Variants in TECR observed in about 807,000 individuals in gnomAD.
The protein encoded by TECR is very-long-chain enoyl-CoA reductase.
A neutral mutation model predicts 50.6 loss-of-function variants in TECR; 19 were observed. That is an observed-to-expected ratio of 0.38 (90% CI 0.26 to 0.55). The LOEUF (loss-of-function observed/expected upper bound fraction) is 0.55. Ranked by LOEUF, TECR falls within the 20% of genes least tolerant of loss-of-function variation. The pLI is 0.79. For synonymous variants in TECR, 168 were observed against 163.5 expected, an observed-to-expected ratio of 1.03 and a Z score of -0.21; for missense variants, 313 against 408.3, an observed-to-expected ratio of 0.77 and a Z score of 2.01.
intron 1 of TECR, 35 bp downstream of exon 1, chr19:14,529,746 G>A: frequency 6.2e-7 from 1 of 1,613,914 alleles, no homozygotes; most frequent in Non-Finnish European, 8.5e-7. Context: ...TGTGGCCACT[G>A]CTGACCCATT....
At chr19:14,553,891 C>CT (rs1201313095) in intron 1 of TECR, among the ~76,000 whole-genome samples, 4 of 152,224 alleles carry the variant, frequency 2.6e-5, no homozygotes, top group African/African-American at 9.6e-5. Flanking sequence ...CCCTTTGTGT[C>CT]TTTACCTGGG....
At chr19:14,555,566 C>G (rs2073693329) in intron 1 of TECR, among the ~76,000 whole-genome samples, 1 of 151,232 alleles carries the variant, frequency 6.6e-6, no homozygotes, top group South Asian at 2.1e-4. Flanking sequence ...GTGCCTCAGC[C>G]TCCCAAGTGG....
intron 9 of TECR, 34 bp downstream of exon 9, chr19:14,565,026 G>A (rs1034579756): frequency 1.2e-6 from 2 of 1,613,826 alleles, no homozygotes; most frequent in African/African-American, 2.7e-5. Context: ...GGGGTCGGGG[G>A]AGTCTGGGCG....
At chr19:14,534,973 T>C (rs1343799148) in intron 1 of TECR, among the ~76,000 whole-genome samples, 1 of 152,130 alleles carries the variant, frequency 6.6e-6, no homozygotes, top group African/African-American at 2.4e-5. Flanking sequence ...AGAGCATCCC[T>C]GAAGGGAGGG....
intron 7 of TECR, 145 bp downstream of exon 7, chr19:14,564,432 A>G: frequency 1.7e-6 from 1 of 602,066 alleles, no homozygotes; most frequent in African/African-American, 3.0e-5. Flanking sequence ...TAACCTCCCC[A>G]GCCCCGCCCT....
chr19:14,550,033 C>T (rs1345927948), intron 1 of TECR, among the ~76,000 whole-genome samples: 2 of 151,988 alleles, frequency 1.3e-5, no homozygotes, highest in South Asian at 2.1e-4. Context: ...TTCCATGTCG[C>T]ACGTCACCTT....
At chr19:14,564,308 C>T in intron 7 of TECR, 21 bp downstream of exon 7, 1 of 1,582,018 alleles carries the variant, frequency 6.3e-7, no homozygotes, top group Non-Finnish European at 8.6e-7. Context: ...GTCCCCGCCT[C>T]ACCCCTAAGC....
intron 1 of TECR, among the ~76,000 whole-genome samples, chr19:14,560,889 CA>C (rs2073882671): frequency 6.6e-6 from 1 of 152,306 alleles, no homozygotes; most frequent in East Asian, 1.9e-4. Flanking sequence ...TCCCATCTGT[CA>C]GGGGTCACCT....
rs1568434811 is a variant in TECR at position 14,565,879 on chromosome 19, C to T, written c.*8C>T. The T allele has an allele frequency of 3.2e-6, 5 of 1,580,790 alleles. No individual in the cohort carries two copies. The highest frequency in any genetic ancestry group is 4.3e-6 in the Non-Finnish European group (5 of 1,166,078). ...ATCCCCTTCCTGCTCTGAGCGCTCA[C>T]CCCTGCTGAGGCTCAGCCCCTCAAC... On this transcript the variant is annotated 3_prime_UTR_variant, in exon 13 of 13. Transcript: ENST00000215567.
upstream of TECR, among the ~76,000 whole-genome samples, chr19:14,528,536 C>T (rs2072490137): frequency 6.6e-6 from 1 of 152,098 alleles, no homozygotes; most frequent in African/African-American, 2.4e-5. Context: ...TCGTTCCCGG[C>T]CTGGACCAGC....
At chr19:14,531,423 C>T (rs1203966360) in intron 1 of TECR, 1 of 152,014 alleles carries the variant, frequency 6.6e-6, no homozygotes, top group Non-Finnish European at 1.5e-5. Context: ...ACCCACAATC[C>T]TTTGAAGCCT....
At chr19:14,549,836 A>G (rs893159841) in intron 1 of TECR, among the ~76,000 whole-genome samples, 3 of 151,894 alleles carry the variant, frequency 2.0e-5, no homozygotes, top group African/African-American at 7.2e-5. Context: ...CCAGCTACTC[A>G]GGAGGCTGAG....
At chr19:14,548,685 C>T (rs902261277) in intron 1 of TECR, among the ~76,000 whole-genome samples, 1 of 152,140 alleles carries the variant, frequency 6.6e-6, no homozygotes, top group Admixed American at 6.5e-5. Context: ...TCAAGCAATT[C>T]TCCTGTCTCA....
rs763761863 is a variant in TECR at position 14,563,723 on chromosome 19, G to A, written c.163+21G>A. ...CCCCAGTGAGTACAGCTGTCCACTC[G>A]GCCCGCCCCCTGGGCTCCTGGGTGG... On this transcript the variant is annotated intron_variant, in intron 4 of 12. Transcript: ENST00000215567. The surrounding 1 kb of genome is among the most constrained non-coding windows in gnomAD (Gnocchi z 5.3). The A allele has an allele frequency of 4.6e-5, 75 of 1,613,020 alleles. No individual in the cohort carries two copies. The highest frequency in any genetic ancestry group is 6.0e-5 in the Non-Finnish European group (71 of 1,179,924).
At chr19:14,540,853 T>C (rs750111549) in intron 1 of TECR, among the ~76,000 whole-genome samples, 24 of 151,936 alleles carry the variant, frequency 1.6e-4, no homozygotes, top group South Asian at 4.1e-4. Flanking sequence ...GTTTGTTTGT[T>C]TGAGTTGGAG....
intron 1 of TECR, among the ~76,000 whole-genome samples, chr19:14,550,501 C>T (rs955879676): frequency 6.6e-6 from 1 of 152,080 alleles, no homozygotes; most frequent in Non-Finnish European, 1.5e-5. Context: ...GGTCCGACAG[C>T]GCCTTCCTGC....
chr19:14,565,466 C>CGTG, intron 11 of TECR, 152 bp from the exon 12 acceptor site: 1 of 1,375,568 alleles, frequency 7.3e-7, no homozygotes, highest in Non-Finnish European at 1.0e-6. Context: ...TGCCGCTGGG[C>CGTG]TTCCGCCGTA....
intron 1 of TECR, among the ~76,000 whole-genome samples, chr19:14,535,573 T>A (rs1599415949): frequency 9.7e-5 from 3 of 30,854 alleles, no homozygotes; most frequent in Non-Finnish European, 1.4e-4. Context: ...TATATATATA[T>A]ATATATATAT....
At chr19:14,534,452 T>G (rs1009182569) in intron 1 of TECR, among the ~76,000 whole-genome samples, 2 of 92,332 alleles carry the variant, frequency 2.2e-5, no homozygotes, top group Admixed American at 1.2e-4. Context: ...TTTTTTTTTT[T>G]TGTGACAGAG....
Sources: allele counts gnomAD v4.1 joint callset (sites outside exome capture counted in the v4.1 genomes callset), GRCh38; gene constraint gnomAD v4.1.1; non-coding constraint Gnocchi (gnomAD v3.1); transcripts MANE v1.5; gene names NCBI Gene and HGNC (gene_info 2026-07-23, HGNC 2026-07-21).